The following WDR41 variants were observed in gnomAD, a reference collection of about 807,000 sequenced individuals.
WDR41 encodes the protein WD repeat-containing protein 41.
In WDR41, 63 loss-of-function variants were observed where a neutral mutation model predicts 69.3. That is an observed-to-expected ratio of 0.91 (90% confidence interval 0.74 to 1.12). WDR41 has a LOEUF of 1.12. Ranked by LOEUF, WDR41 falls within the 50% of genes most tolerant of loss-of-function variation. The pLI is 0.00. For synonymous variants in WDR41, 185 were observed against 192.1 expected (o/e 0.96, Z 0.31); for missense variants, 543 against 534.5 (o/e 1.02, Z -0.16).
intron 2 of WDR41, among the ~76,000 whole-genome samples, chr5:77,465,053 CT>C (rs1444425866): frequency 1.3e-5 from 2 of 152,116 alleles, no homozygotes; most frequent in Non-Finnish European, 2.9e-5. Context: ...TAAAAATAAT[CT>C]TTAAAGTCCT....
intron 1 of WDR41, among the ~76,000 whole-genome samples, chr5:77,541,929 C>T (rs1426699646): frequency 6.6e-6 from 1 of 152,090 alleles, no homozygotes; most frequent in Admixed American, 6.5e-5. Flanking sequence ...GATATATACC[C>T]AATGGAATAT....
At chr5:77,443,506 ACT>A (rs1241221697) in intron 8 of WDR41, among the ~76,000 whole-genome samples, 1 of 152,106 alleles carries the variant, frequency 6.6e-6, no homozygotes, top group African/African-American at 2.4e-5. Flanking sequence ...TTATTAACAG[ACT>A]CTATAGAACT....
At chr5:77,578,864 C>CAAAAAAAAAA (rs55920763) in intron 1 of WDR41, among the ~76,000 whole-genome samples, 1 of 77,172 alleles carries the variant, frequency 1.3e-5, no homozygotes, top group Non-Finnish European at 2.6e-5. Context: ...AACTCCATCT[C>CAAAAAAAAAA]AAAAAAAAAA....
At chr5:77,606,880 T>C (rs1286230485) in intron 1 of WDR41, among the ~76,000 whole-genome samples, 1 of 150,620 alleles carries the variant, frequency 6.6e-6, no homozygotes, top group Non-Finnish European at 1.5e-5. Context: ...AGGTCATGCC[T>C]TGCCCCAAAG....
At chr5:77,600,921 CTGTGTGTA>C (rs960979639) in intron 1 of WDR41, among the ~76,000 whole-genome samples, 1 of 106,392 alleles carries the variant, frequency 9.4e-6, no homozygotes, top group African/African-American at 3.8e-5. Context: ...TTATCTAACT[CTGTGTGTA>C]TGTGTGTGTG....
At chr5:77,479,161 T>G (rs1339027165) in intron 2 of WDR41, among the ~76,000 whole-genome samples, 8 of 151,788 alleles carry the variant, frequency 5.3e-5, no homozygotes, top group Admixed American at 1.3e-4. Context: ...CACTGCTCAA[T>G]GAAATAAAAG....
chr5:77,437,078 T>A (rs1321137216), intron 11 of WDR41, among the ~76,000 whole-genome samples: 2 of 152,204 alleles, frequency 1.3e-5, no homozygotes, highest in African/African-American at 4.8e-5. Context: ...ATTTGGTCAT[T>A]CAGATTACCA....
At chr5:77,483,145 TTTTC>T (rs1801356689) in intron 2 of WDR41, among the ~76,000 whole-genome samples, 1 of 151,870 alleles carries the variant, frequency 6.6e-6, no homozygotes, top group Non-Finnish European at 1.5e-5. Context: ...GAAGTTTTAT[TTTTC>T]TTTTTTGAGA....
intron 1 of WDR41, among the ~76,000 whole-genome samples, chr5:77,551,807 T>C (rs200002346): frequency 6.7e-6 from 1 of 149,690 alleles, no homozygotes; most frequent in Admixed American, 6.7e-5. Flanking sequence ...GTGAAACCCC[T>C]TCTCTACTAA....
chr5:77,573,412 A>G (rs964309476), intron 1 of WDR41, among the ~76,000 whole-genome samples: 13 of 152,202 alleles, frequency 8.5e-5, no homozygotes, highest in African/African-American at 2.7e-4. Context: ...ACATTACCAG[A>G]ACATTTATAG....
At chr5:77,473,874 T>C (rs1460705225) in intron 2 of WDR41, among the ~76,000 whole-genome samples, 1 of 152,222 alleles carries the variant, frequency 6.6e-6, no homozygotes, top group Admixed American at 6.5e-5. Flanking sequence ...GAAGTCAGTG[T>C]GGCGATTCCT....
intron 2 of WDR41, among the ~76,000 whole-genome samples, chr5:77,474,798 CAGT>C (rs1442185212): frequency 6.6e-6 from 1 of 152,108 alleles, no homozygotes. Context: ...ATCAAGATTA[CAGT>C]AGGAGGAGGA....
chr5:77,608,079 TC>T (rs1453917103), intron 1 of WDR41, among the ~76,000 whole-genome samples: 1 of 152,164 alleles, frequency 6.6e-6, no homozygotes, highest in Non-Finnish European at 1.5e-5. Context: ...AACTCCCGAT[TC>T]TCCCCCTACA....
chr5:77,543,719 T>G (rs1325843041), intron 1 of WDR41, among the ~76,000 whole-genome samples: 3 of 152,068 alleles, frequency 2.0e-5, no homozygotes, highest in Non-Finnish European at 2.9e-5. Flanking sequence ...TCTAAAAGTT[T>G]GGAAAACATA....
intron 1 of WDR41, among the ~76,000 whole-genome samples, chr5:77,586,512 G>A (rs1157111300): frequency 2.4e-4 from 37 of 151,914 alleles, no homozygotes; most frequent in Admixed American, 2.4e-3. Context: ...TCACCATGTT[G>A]CCAGGCTGGT....
chr5:77,481,061 G>A (rs1801216120), intron 2 of WDR41, among the ~76,000 whole-genome samples: 1 of 149,850 alleles, frequency 6.7e-6, no homozygotes, highest in Admixed American at 6.6e-5. Context: ...TCGCCCTGTT[G>A]CCCAGGCTGG....
intron 1 of WDR41, among the ~76,000 whole-genome samples, chr5:77,540,988 T>C (rs902925586): frequency 2.0e-5 from 3 of 152,154 alleles, no homozygotes; most frequent in Non-Finnish European, 4.4e-5. Flanking sequence ...GCTACTGCTA[T>C]ACCAAGGAGA....
chr5:77,483,285 GCAC>G (rs1801363970), intron 2 of WDR41, among the ~76,000 whole-genome samples: 1 of 151,902 alleles, frequency 6.6e-6, no homozygotes, highest in African/African-American at 2.4e-5. Context: ...CCACAGGTGT[GCAC>G]CACCACACCC....
chr5:77,579,797 C>A (rs1743904102), intron 1 of WDR41, among the ~76,000 whole-genome samples: 1 of 152,132 alleles, frequency 6.6e-6, no homozygotes, highest in African/African-American at 2.4e-5. Flanking sequence ...CCTTTCTTAT[C>A]TTCACTGATT....
Sources: gnomAD v4.1 joint callset for allele counts (sites outside exome capture counted in the v4.1 genomes callset) on GRCh38, gnomAD v4.1.1 for gene constraint, MANE v1.5 for transcripts, NCBI Gene and HGNC (gene_info 2026-07-23, HGNC 2026-07-21) for gene names.